The following SLC15A1 variants were observed in gnomAD, a reference collection of about 807,000 sequenced individuals.
The protein encoded by SLC15A1 is solute carrier family 15 member 1, also known as Caco-2 oligopeptide transporter.
In SLC15A1, 83 loss-of-function variants were observed where a neutral mutation model predicts 92.9. The ratio of observed to expected loss-of-function variants is 0.89; its 90% CI spans 0.75 to 1.07. The LOEUF (loss-of-function observed/expected upper bound fraction) is 1.07, where lower values mean the gene tolerates loss of function less well. SLC15A1 is among the 50% of genes least tolerant of loss of function. SLC15A1 has a pLI of 0.00. For missense variants in SLC15A1, 857 were observed against 880.1 expected (o/e 0.97, Z 0.33); for synonymous variants, 322 against 318.2 (o/e 1.01, Z -0.13).
chr13:98,700,247 G>C (rs2088055891), intron 18 of SLC15A1, among the ~76,000 whole-genome samples: 1 of 152,054 alleles, frequency 6.6e-6, no homozygotes, highest in South Asian at 2.1e-4. Context: ...AGCAATTCGG[G>C]AGTCTGGGGT....
At chr13:98,748,265 T>A (rs1220106977) in intron 1 of SLC15A1, among the ~76,000 whole-genome samples, 6 of 152,120 alleles carry the variant, frequency 3.9e-5, no homozygotes, top group Admixed American at 3.9e-4. Flanking sequence ...TCACTCCTAT[T>A]CATTTCTACT....
rs1393262948 is a variant in SLC15A1 at position 98,708,712 on chromosome 13, C to T, written c.1123G>A (p.Ala375Thr). The change falls in exon 15 of 23, where the codon GCT (alanine) becomes ACT (threonine). Residue 375 changes from alanine to threonine, a missense_variant. Ala to Thr is a moderately conservative substitution (Grantham distance 58, BLOSUM62 0). Coordinates refer to ENST00000376503, the MANE Select transcript of SLC15A1 (RefSeq NM_005073.4). ...MVLASMAFVVAAIVQVEIDKT... is the reference protein window; with the variant it reads ...MVLASMAFVVTAIVQVEIDKT... ...TCGATTTCCACCTGCACGATGGCAG[C>T]CACCACAAAGGCCATGGAGGCCAGG... The T allele has an allele frequency of 9.3e-6, 15 of 1,613,436 alleles. No individual in the cohort carries two copies. Among genetic ancestry groups the T allele is most frequent in the Admixed American group, 1.7e-5 (1 of 59,880 alleles).
intron 1 of SLC15A1, among the ~76,000 whole-genome samples, chr13:98,734,984 G>A (rs1407869536): frequency 6.6e-6 from 1 of 152,236 alleles, no homozygotes; most frequent in Non-Finnish European, 1.5e-5. Flanking sequence ...CTCATTTTAT[G>A]AGGCCAGCAT....
rs2087911832 is a variant in SLC15A1 at position 98,684,330 on chromosome 13, C to T, written c.*394G>A. ...TGGCAGGCCGAGGTGGGCAGATCAC[C>T]AGGTCAAGAGATCGAGACCATCCTG... is the stretch of plus-strand genomic sequence containing the variant. On this transcript the variant is annotated 3_prime_UTR_variant, in exon 23 of 23. Transcript: ENST00000376503. 6.4e-6 allele frequency: 1 copy of T among 156,696 alleles called. No homozygotes were observed. The highest frequency in any genetic ancestry group is 2.4e-5 in the African/African-American group (1 of 41,418). 9.7% of individuals were successfully genotyped at this position (156,696 alleles called of 1,614,324 possible).
chr13:98,696,094 G>C (rs2088018496), intron 18 of SLC15A1, among the ~76,000 whole-genome samples: 1 of 151,426 alleles, frequency 6.6e-6, no homozygotes, highest in South Asian at 2.1e-4. Flanking sequence ...TCTTTTCTAA[G>C]ATCTCTTTGA....
At chr13:98,708,461 T>A (rs1467427610) in intron 15 of SLC15A1, among the ~76,000 whole-genome samples, 1 of 152,176 alleles carries the variant, frequency 6.6e-6, no homozygotes, top group Non-Finnish European at 1.5e-5. Context: ...TTATAAAAAC[T>A]GTATTATAAA....
intron 8 of SLC15A1, among the ~76,000 whole-genome samples, chr13:98,719,023 T>C (rs1486763876): frequency 1.3e-5 from 2 of 152,216 alleles, no homozygotes; most frequent in Non-Finnish European, 2.9e-5. Context: ...TGGTTCCTTT[T>C]CCTGTAATTC....
chr13:98,691,812 G>A (rs1266278561), intron 18 of SLC15A1, among the ~76,000 whole-genome samples: 2 of 152,108 alleles, frequency 1.3e-5, no homozygotes, highest in East Asian at 1.9e-4. Context: ...GGTGGCTCAC[G>A]CTTGTAATCC....
chr13:98,721,639 A>G, intron 6 of SLC15A1, 54 bp from the exon 7 acceptor site: 1 of 1,349,896 alleles, frequency 7.4e-7, no homozygotes, highest in Non-Finnish European at 1.0e-6. Flanking sequence ...CACTGAGCAC[A>G]GGGAGCTGAT....
At chr13:98,726,520 G>A in intron 2 of SLC15A1, 71 bp from the exon 3 acceptor site, 1 of 1,434,100 alleles carries the variant, frequency 7.0e-7, no homozygotes, top group Non-Finnish European at 9.7e-7. Context: ...AGGAGCACCA[G>A]TGGCATGAAA....
At chr13:98,750,927 T>C (rs1396738346) in intron 1 of SLC15A1, among the ~76,000 whole-genome samples, 1 of 152,144 alleles carries the variant, frequency 6.6e-6, no homozygotes, top group East Asian at 1.9e-4. Flanking sequence ...AGTTTTTATA[T>C]ATTTTTAGTA....
At chr13:98,744,112 G>A (rs1486361519) in intron 1 of SLC15A1, among the ~76,000 whole-genome samples, 8 of 151,974 alleles carry the variant, frequency 5.3e-5, no homozygotes, top group Non-Finnish European at 5.9e-5. Flanking sequence ...ATAGTGGCAC[G>A]TGCCTGTAGT....
At chr13:98,720,764 G>A in intron 7 of SLC15A1, 1 of 231,454 alleles carries the variant, frequency 4.3e-6, no homozygotes, top group East Asian at 1.0e-4. Flanking sequence ...AAAAAACTTT[G>A]CCTTAGCCAG....
intron 1 of SLC15A1, among the ~76,000 whole-genome samples, chr13:98,740,802 T>A (rs1317790742): frequency 1.3e-5 from 2 of 152,162 alleles, no homozygotes; most frequent in Non-Finnish European, 2.9e-5. Flanking sequence ...AGGAAGGATA[T>A]GGGTGCCTGG....
At chr13:98,737,005 A>C (rs1012157728) in intron 1 of SLC15A1, among the ~76,000 whole-genome samples, 1 of 152,256 alleles carries the variant, frequency 6.6e-6, no homozygotes, top group Non-Finnish European at 1.5e-5. Flanking sequence ...ATATACCCAA[A>C]GGATTATAAA....
intron 1 of SLC15A1, among the ~76,000 whole-genome samples, chr13:98,737,852 G>C (rs1291047486): frequency 6.6e-6 from 1 of 152,162 alleles, no homozygotes; most frequent in Non-Finnish European, 1.5e-5. Flanking sequence ...AGGAAGATGA[G>C]GGAAAGTTTG....
intron 7 of SLC15A1, chr13:98,720,760 CTT>C (rs2088250591): frequency 4.4e-6 from 1 of 227,754 alleles, no homozygotes; most frequent in African/African-American, 2.3e-5. Context: ...AAGAAAAAAA[CTT>C]TGCCTTAGCC....
At chr13:98,686,089 T>A in intron 22 of SLC15A1, 101 bp downstream of exon 22, 1 of 841,558 alleles carries the variant, frequency 1.2e-6, no homozygotes, top group Admixed American at 2.0e-5. Context: ...GCTATTAGCC[T>A]AGATGACCAC....
chr13:98,705,289 G>C (rs1247029588), intron 16 of SLC15A1, among the ~76,000 whole-genome samples: 1 of 151,926 alleles, frequency 6.6e-6, no homozygotes, highest in Non-Finnish European at 1.5e-5. Context: ...ACATGGGCTG[G>C]AGGTTGAGTA....
Sources: gnomAD v4.1 joint callset for allele counts (sites outside exome capture counted in the v4.1 genomes callset) on GRCh38, gnomAD v4.1.1 for gene constraint, MANE v1.5 for transcripts, NCBI Gene and HGNC (gene_info 2026-07-23, HGNC 2026-07-21) for gene names.